Variants in PDE6A observed in about 807,000 individuals in gnomAD.
PDE6A encodes the protein rod cGMP-specific 3',5'-cyclic phosphodiesterase subunit alpha.
Under a neutral mutation model 106.3 loss-of-function variants are expected in PDE6A, and 84 were observed. The observed-to-expected ratio is 0.79, with a 90% CI of 0.66 to 0.95. PDE6A has a LOEUF of 0.95. Ranked by LOEUF, PDE6A falls within the 40% of genes least tolerant of loss-of-function variation. The probability of loss-of-function intolerance (pLI) is 0.00; values close to 1 mark genes in which losing one functional copy is unlikely to be tolerated. For synonymous variants in PDE6A, 394 were observed against 386.6 expected, an observed-to-expected ratio of 1.02 and a Z score of -0.23; for missense variants, 1,052 against 1,084.9, an observed-to-expected ratio of 0.97 and a Z score of 0.43.
chr5:149,896,385 C>T lies in PDE6A; in HGVS notation c.1591G>A (p.Val531Met), dbSNP rs2113586417. ...TGTGGAATGTGAAATTTATCCACCA[C>T]TTTGAGCTCATAATACATCTGTATT... ...CGIQMYYELK[V>M]VDKFHIPQEA... Residue 531 changes from valine to methionine, a missense_variant, in exon 12 of 22, where the codon GTG becomes ATG. By Grantham distance (21) the Val-to-Met change is conservative. Around this residue, in one of 3 missense-constraint regions of PDE6A, gnomAD observed 913 missense variants for 915.2 expected, o/e 1.00. Coordinates refer to ENST00000255266, the MANE Select transcript of PDE6A (RefSeq NM_000440.3). 3 of 1,614,088 alleles carry T rather than the reference C, an allele frequency of 1.9e-6. No homozygotes were observed. The South Asian group carries it at 3.3e-5, about 18-fold the overall frequency.
chr5:149,862,593 T>C (rs932848700), intron 21 of PDE6A, among the ~76,000 whole-genome samples: 2 of 152,104 alleles, frequency 1.3e-5, no homozygotes, highest in African/African-American at 4.8e-5. Flanking sequence ...ACGCCATCTC[T>C]ACTAAAATAC....
chr5:149,860,928 AC>A lies in PDE6A; in HGVS notation c.2549del (p.Gly850ValfsTer42), dbSNP rs780549355. 1 of 1,613,920 alleles carries A rather than the reference AC, an allele frequency of 6.2e-7. No individual in the cohort carries two copies. The highest frequency in any genetic ancestry group is 1.1e-5 in the South Asian group (1 of 91,056). On this transcript the variant is annotated frameshift_variant, in exon 22 of 22. Coordinates refer to ENST00000255266, the MANE Select transcript of PDE6A (RefSeq NM_000440.3). LOFTEE classifies it high-confidence loss of function. ...NQPGGNPSPG[G>X]ATTSKSCCIQ ...TGCAGCAGGACTTGGATGTAGTTGC[AC>A]CCCCTGGGCTGGGGTTTCCCCCCGG...
In PDE6A at chr5:149,899,452, C is replaced by G; in HGVS notation, c.1186G>C (p.Glu396Gln). ...LSMPIVNKKEEIVGVATFYNR... is the reference protein window; with the variant it reads ...LSMPIVNKKEQIVGVATFYNR... ...TAAAATGTGGCCACTCCAACAATTT[C>G]TTCCTTCTTGTTCACAATCGGCATT... Residue 396 changes from glutamate to glutamine, a missense_variant, in exon 9 of 22, where the codon GAA becomes CAA. By Grantham distance (29) the Glu-to-Gln change is conservative. Coordinates refer to ENST00000255266, the MANE Select transcript of PDE6A (RefSeq NM_000440.3). 6.2e-7 allele frequency: 1 copy of G among 1,614,098 alleles called. No individual in the cohort carries two copies. Among genetic ancestry groups the G allele is most frequent in the South Asian group, 1.1e-5 (1 of 91,076 alleles).
chr5:149,880,662 G>A (rs773130449), intron 17 of PDE6A, among the ~76,000 whole-genome samples: 7 of 152,070 alleles, frequency 4.6e-5, no homozygotes, highest in African/African-American at 1.2e-4. Flanking sequence ...GCAGTGAGCC[G>A]AGATTGCATT....
At chr5:149,915,654 T>A (rs1326876077) in intron 5 of PDE6A, among the ~76,000 whole-genome samples, 2 of 152,090 alleles carry the variant, frequency 1.3e-5, no homozygotes, top group African/African-American at 4.8e-5. Context: ...TCTAAGAGGA[T>A]CTGGAGGTTG....
intron 17 of PDE6A, among the ~76,000 whole-genome samples, chr5:149,869,329 C>CAA (rs11316552): frequency 0.014 from 1,317 of 91,368 alleles, 14 homozygotes; most frequent in African/African-American, 0.032. Flanking sequence ...GACTCCATAT[C>CAA]AAAAAAAAAA....
At chr5:149,876,627 A>G (rs537454002) in intron 17 of PDE6A, among the ~76,000 whole-genome samples, 19 of 151,862 alleles carry the variant, frequency 1.3e-4, no homozygotes, top group Admixed American at 1.2e-3. Context: ...CTCAGCCTCC[A>G]CAGTAGCTGG....
chr5:149,875,310 C>T (rs1760698803), intron 17 of PDE6A, among the ~76,000 whole-genome samples: 1 of 152,164 alleles, frequency 6.6e-6, no homozygotes, highest in African/African-American at 2.4e-5. Flanking sequence ...CAAATGTCAA[C>T]AGGGCTGAGA....
intron 7 of PDE6A, among the ~76,000 whole-genome samples, chr5:149,904,167 A>T (rs1426940139): frequency 1.3e-5 from 2 of 152,218 alleles, no homozygotes; most frequent in Non-Finnish European, 2.9e-5. Flanking sequence ...GAATCACTTG[A>T]ACCTGGGAGG....
In PDE6A at chr5:149,863,922, C is replaced by T. The variant is rs778649360; in HGVS notation, c.2359-656G>A. Among the ~76,000 whole-genome samples the T allele has an allele frequency of 5.9e-5, 9 of 151,744 alleles. No homozygotes were observed. The highest frequency in any genetic ancestry group is 1.3e-4 in the Non-Finnish European group (9 of 67,908). ...TACAGGCATGAGCCACCATGCTCAA[C>T]CCAAGCTGTTCACTTTGCTGGAACA... On this transcript the variant is annotated intron_variant, in intron 20 of 21. Transcript: ENST00000255266. This position sits in a 1 kb window ranked among gnomAD's most constrained non-coding sequence, Gnocchi z 4.7.
chr5:149,875,294 C>G (rs1760698311), intron 17 of PDE6A, among the ~76,000 whole-genome samples: 1 of 152,102 alleles, frequency 6.6e-6, no homozygotes, highest in African/African-American at 2.4e-5. Context: ...GCAGGGTTGC[C>G]AGCCCCAAAT....
intron 5 of PDE6A, among the ~76,000 whole-genome samples, chr5:149,921,403 A>G (rs1351790845): frequency 6.6e-6 from 1 of 152,160 alleles, no homozygotes; most frequent in African/African-American, 2.4e-5. Context: ...AGGGCATGAC[A>G]ATTATGAGGA....
At position 149,883,189 on chromosome 5, in the gene PDE6A, AT is replaced by A. The variant is rs1278102392; in HGVS notation, c.2135+239del. Among the ~76,000 whole-genome samples, 165 of 152,334 alleles carry A rather than the reference AT, an allele frequency of 1.1e-3. 2 individuals are homozygous for A. The highest frequency in any genetic ancestry group is 8.8e-5 in the Non-Finnish European group (6 of 68,036). Reference sequence around the variant, plus strand: ...ATGATTGAACTACTTCAAATAACATATTTTTTTATTCAGATAAATAAAACAA... The same window carrying A: ...ATGATTGAACTACTTCAAATAACATATTTTTTATTCAGATAAATAAAACAA... On this transcript the variant is annotated intron_variant, in intron 17 of 21. Coordinates refer to ENST00000255266, the MANE Select transcript of PDE6A (RefSeq NM_000440.3).
intron 17 of PDE6A, among the ~76,000 whole-genome samples, chr5:149,880,777 AT>A (rs1332710101): frequency 6.6e-6 from 1 of 152,108 alleles, no homozygotes; most frequent in Admixed American, 6.6e-5. Flanking sequence ...ACCAGTCACA[AT>A]GGCAATTATT....
intron 4 of PDE6A, among the ~76,000 whole-genome samples, chr5:149,928,660 A>G (rs1753940872): frequency 6.6e-6 from 1 of 152,178 alleles, no homozygotes; most frequent in South Asian, 2.1e-4. Context: ...CAGCTCCATT[A>G]TAATTCTATG....
At chr5:149,886,404 C>A (rs754543374) in intron 13 of PDE6A, 30 bp from the exon 14 acceptor site, 21 of 1,549,048 alleles carry the variant, frequency 1.4e-5, no homozygotes, top group Non-Finnish European at 3.6e-6. Flanking sequence ...GCAAATCATT[C>A]CTTTTGTGTA....
intron 5 of PDE6A, 82 bp from the exon 6 acceptor site, chr5:149,915,089 CA>C: frequency 1.2e-6 from 1 of 822,094 alleles, no homozygotes; most frequent in Non-Finnish European, 1.9e-6. Context: ...GGCTGGAGTG[CA>C]ATGGCTTGAT....
intron 4 of PDE6A, among the ~76,000 whole-genome samples, chr5:149,928,138 A>G (rs1753915303): frequency 6.8e-6 from 1 of 148,012 alleles, no homozygotes; most frequent in Middle Eastern, 3.2e-3. Flanking sequence ...TAGTAAATAC[A>G]TAAACCAGTA....
At chr5:149,889,896 G>C (rs1268708663) in intron 13 of PDE6A, among the ~76,000 whole-genome samples, 1 of 128,372 alleles carries the variant, frequency 7.8e-6, no homozygotes, top group Non-Finnish European at 1.6e-5. Flanking sequence ...GACAGAACAA[G>C]ACTCTGTCTC....
Sources: allele counts gnomAD v4.1 joint callset (sites outside exome capture counted in the v4.1 genomes callset), GRCh38; gene constraint gnomAD v4.1.1; regional missense constraint gnomAD v4.1.1; non-coding constraint Gnocchi (gnomAD v3.1); transcripts MANE v1.5; gene names NCBI Gene and HGNC (gene_info 2026-07-23, HGNC 2026-07-21).